The following CD8B2 variants were observed in gnomAD, a reference collection of about 807,000 sequenced individuals.
The protein encoded by CD8B2 is CD8B family member 2.
Under a neutral mutation model 23.7 loss-of-function variants are expected in CD8B2, and 11 were observed. The observed-to-expected ratio is 0.46, with a 90% confidence interval of 0.29 to 0.77. The LOEUF is 0.77. Among genes scored for constraint, CD8B2 ranks in the 30% least tolerant of loss-of-function variants. The pLI is 0.09. For synonymous variants in CD8B2, 90 were observed against 109.3 expected (o/e 0.82, Z 1.10); for missense variants, 197 against 270.5 (o/e 0.73, Z 1.91).
chr2:106,536,030 CTTTTT>C (rs869103310), intron 5 of CD8B2, among the ~76,000 whole-genome samples: 2 of 123,896 alleles, frequency 1.6e-5, no homozygotes, highest in African/African-American at 2.9e-5. Context: ...GCCACACACA[CTTTTT>C]TTTTTTTTTT....
At chr2:106,488,539 G>A in intron 1 of CD8B2, among the ~76,000 whole-genome samples, 1 of 152,204 alleles carries the variant, frequency 6.6e-6, no homozygotes, top group Admixed American at 6.5e-5. Flanking sequence ...TTTCCCTGAA[G>A]GGCTTCGGGC....
chr2:106,518,652 A>AT (rs1679773467), intron 5 of CD8B2, among the ~76,000 whole-genome samples: 2 of 152,156 alleles, frequency 1.3e-5, no homozygotes, highest in Non-Finnish European at 2.9e-5. Flanking sequence ...CCATCTATCC[A>AT]TCCATTCATC....
intron 5 of CD8B2, among the ~76,000 whole-genome samples, chr2:106,530,100 G>A (rs545451518): frequency 7.2e-5 from 11 of 152,266 alleles, no homozygotes; most frequent in African/African-American, 1.7e-4. Flanking sequence ...CTCTGCTGCC[G>A]GTATGAGGAC....
chr2:106,516,894 C>T (rs1456128332), intron 5 of CD8B2, among the ~76,000 whole-genome samples: 1 of 148,230 alleles, frequency 6.7e-6, no homozygotes, highest in African/African-American at 2.5e-5. Flanking sequence ...ATGCATTATT[C>T]ATATTTTTAT....
chr2:106,540,526 TG>T (rs1680155657), intron 5 of CD8B2, among the ~76,000 whole-genome samples: 1 of 151,902 alleles, frequency 6.6e-6, no homozygotes, highest in Non-Finnish European at 1.5e-5. Flanking sequence ...TTCACAGTCT[TG>T]AGGGGGAAAA....
rs536644575 is a variant in CD8B2 at position 106,497,668 on chromosome 2, A to G, written c.493+1406A>G. 2.8e-3 allele frequency among the ~76,000 whole-genome samples: 434 copies of G among 152,294 alleles called. 3 individuals are homozygous for G. Among genetic ancestry groups the G allele is most frequent in the African/African-American group, 1.0e-2 (415 of 41,560 alleles). The stretch of plus-strand genomic sequence containing the variant: ...GACAGTACTGAATAGGATCTGGGAG[A>G]CCAGGGTGGGAAGCTGCCGTCACAT... On this transcript the variant is annotated intron_variant, in intron 3 of 5. Coordinates refer to ENST00000643224, the MANE Select transcript of CD8B2 (RefSeq NM_001349727.2).
At position 106,507,130 on chromosome 2, in the gene CD8B2, G is replaced by A. The variant is rs1185476692; in HGVS notation, c.*190G>A. 19 of 1,444,582 alleles carry A rather than the reference G, an allele frequency of 1.3e-5. No homozygotes were observed. Among genetic ancestry groups the A allele is most frequent in the Non-Finnish European group, 1.6e-5 (18 of 1,095,386 alleles). The allele number at this position is 1,444,582 out of a possible 1,614,324, so 89.5% of individuals were successfully genotyped here. A position where few individuals can be genotyped will look rare whatever the true frequency, so the allele number is the denominator to read the frequency against. On this transcript the variant is annotated 3_prime_UTR_variant, in exon 6 of 6. Transcript: ENST00000643224. ...GGGAGCAACTTGTTTGTGGGTCATC[G>A]GGAATACTAGGGAGAAGGTTTCATT...
At chr2:106,514,654 C>T (rs1267544975), downstream of CD8B2, among the ~76,000 whole-genome samples, 15 of 151,546 alleles carry the variant, frequency 9.9e-5, no homozygotes, top group African/African-American at 3.6e-4. Flanking sequence ...GGACAGCTAT[C>T]CCACGTTTGA....
chr2:106,497,342 A>G (rs926769039), intron 3 of CD8B2, among the ~76,000 whole-genome samples: 1 of 152,196 alleles, frequency 6.6e-6, no homozygotes, highest in East Asian at 1.9e-4. Flanking sequence ...TCATGAATAC[A>G]TGTTTGTTTG....
At chr2:106,488,744 A>T (rs1441679612) in intron 1 of CD8B2, among the ~76,000 whole-genome samples, 1 of 152,196 alleles carries the variant, frequency 6.6e-6, no homozygotes, top group East Asian at 1.9e-4. Flanking sequence ...TGGATAAAGT[A>T]GTTGCAAAAC....
intron 5 of CD8B2, among the ~76,000 whole-genome samples, chr2:106,537,551 C>T (rs1005088286): frequency 2.6e-5 from 4 of 152,184 alleles, no homozygotes; most frequent in Non-Finnish European, 4.4e-5. Context: ...ACAGATTTCT[C>T]ATTTGAATCC....
intron 3 of CD8B2, among the ~76,000 whole-genome samples, chr2:106,500,549 TAAA>T (rs1679386269): frequency 1.3e-5 from 2 of 150,668 alleles, no homozygotes; most frequent in African/African-American, 2.4e-5. Context: ...AATAAATAAA[TAAA>T]TAAATAAATA....
intron 3 of CD8B2, 78 bp downstream of exon 3, chr2:106,496,340 C>T: frequency 7.3e-7 from 1 of 1,368,274 alleles, no homozygotes; most frequent in Non-Finnish European, 1.0e-6. Context: ...TCCTTCCTTC[C>T]CCAGGCACTT....
chr2:106,541,769 A>G (rs542793886), intron 5 of CD8B2, among the ~76,000 whole-genome samples: 24 of 152,344 alleles, frequency 1.6e-4, no homozygotes, highest in Admixed American at 1.3e-4. Flanking sequence ...GGCATTCTTT[A>G]TTGCAGGTTG....
intron 3 of CD8B2, among the ~76,000 whole-genome samples, chr2:106,497,749 G>T (rs1306729852): frequency 6.6e-6 from 1 of 152,130 alleles, no homozygotes; most frequent in Non-Finnish European, 1.5e-5. Flanking sequence ...AAGTCTTAAG[G>T]AGCTTAAGAG....
chr2:106,517,617 A>C (rs2104566661), intron 5 of CD8B2, among the ~76,000 whole-genome samples: 1 of 151,984 alleles, frequency 6.6e-6, no homozygotes, highest in African/African-American at 2.4e-5. Context: ...GGGGTTGCCC[A>C]GGGGAGGTTC....
chr2:106,496,384 C>T lies in CD8B2; in HGVS notation c.493+122C>T, dbSNP rs748615489. The stretch of plus-strand genomic sequence containing the variant: ...TCAACTCTAGAGCCTATCTCCCCAG[C>T]CCAAGCTAGGGTCAGAAAGGATGCT... On this transcript the variant is annotated intron_variant, in intron 3 of 5. Coordinates refer to ENST00000643224, the MANE Select transcript of CD8B2 (RefSeq NM_001349727.2). The T allele has an allele frequency of 4.3e-5, 62 of 1,458,344 alleles. 1 individual carries two copies. In the South Asian group the frequency reaches 6.4e-4, roughly 15 times the overall value. 90.3% of individuals were successfully genotyped at this position (1,458,344 alleles called of 1,614,324 possible). A position where few individuals can be genotyped will look rare whatever the true frequency, so the allele number is the denominator to read the frequency against.
chr2:106,502,294 C>CAAAAAAAAAAAAA (rs547491786), intron 3 of CD8B2, among the ~76,000 whole-genome samples, 180 bp from the exon 4 acceptor site: 6 of 69,490 alleles, frequency 8.6e-5, no homozygotes, highest in African/African-American at 3.2e-4. Context: ...GACTCTGTCT[C>CAAAAAAAAAAAAA]AAAAAAAAAA....
chr2:106,518,148 G>A (rs553834391), intron 5 of CD8B2, among the ~76,000 whole-genome samples: 3 of 152,286 alleles, frequency 2.0e-5, no homozygotes, highest in African/African-American at 7.2e-5. Flanking sequence ...TATGCAGTGG[G>A]TAGGTAGTAA....
Sources: gnomAD v4.1 joint callset for allele counts (sites outside exome capture counted in the v4.1 genomes callset) on GRCh38, gnomAD v4.1.1 for gene constraint, MANE v1.5 for transcripts, NCBI Gene and HGNC (gene_info 2026-07-23, HGNC 2026-07-21) for gene names.